The following GALNT16 variants were observed in gnomAD, a reference collection of about 807,000 sequenced individuals.
GALNT16 encodes polypeptide N-acetylgalactosaminyltransferase 16, also known as UDP-GalNAc:polypeptide N-acetylgalactosaminyltransferase-like protein 1.
A neutral mutation model predicts 76.1 loss-of-function variants in GALNT16; 40 were observed. That is an observed-to-expected ratio of 0.53 (90% confidence interval 0.41 to 0.68). The LOEUF (loss-of-function observed/expected upper bound fraction) is 0.68. Ranked by LOEUF, GALNT16 falls within the 30% of genes least tolerant of loss-of-function variation. The probability of loss-of-function intolerance (pLI) is 0.00; values close to 1 mark genes in which losing one functional copy is unlikely to be tolerated. For missense variants in GALNT16, 621 were observed against 731.9 expected (o/e 0.85, Z 1.75); for synonymous variants, 276 against 285.2 (o/e 0.97, Z 0.32).
intron 2 of GALNT16, among the ~76,000 whole-genome samples, chr14:69,324,339 C>T (rs1045323140): frequency 6.6e-6 from 1 of 152,112 alleles, no homozygotes; most frequent in Non-Finnish European, 1.5e-5. Context: ...ACATACCCCC[C>T]ACCATACGAC....
intron 12 of GALNT16, among the ~76,000 whole-genome samples, chr14:69,345,066 C>T (rs1290690395): frequency 2.6e-5 from 4 of 152,226 alleles, no homozygotes; most frequent in African/African-American, 9.6e-5. Context: ...GCAGCTGCTA[C>T]TCACTGCAGT....
At chr14:69,266,320 C>A (rs989375847) in intron 1 of GALNT16, among the ~76,000 whole-genome samples, 2 of 152,154 alleles carry the variant, frequency 1.3e-5, no homozygotes, top group Admixed American at 1.3e-4. Context: ...TTTTTACCCC[C>A]AAATTTTCTG....
chr14:69,339,683 A>G (rs1594863451), intron 11 of GALNT16, 64 bp downstream of exon 11: 2 of 1,029,334 alleles, frequency 1.9e-6, no homozygotes, highest in East Asian at 2.4e-5. Context: ...CCAGCAAAAT[A>G]CGAAGTGGTA....
intron 1 of GALNT16, among the ~76,000 whole-genome samples, chr14:69,281,383 C>A (rs933561420): frequency 1.3e-5 from 2 of 152,194 alleles, no homozygotes; most frequent in African/African-American, 2.4e-5. Flanking sequence ...ACCACACAGG[C>A]ATATAAAGAC....
At chr14:69,329,866 C>T (rs930128328) in intron 6 of GALNT16, among the ~76,000 whole-genome samples, 1 of 152,092 alleles carries the variant, frequency 6.6e-6, no homozygotes, top group African/African-American at 2.4e-5. Context: ...GAACGATCCA[C>T]CCCCATGACC....
At position 69,352,991 on chromosome 14, in the gene GALNT16, A is replaced by G. The variant is rs974132881; in HGVS notation, c.*823A>G. Among the ~76,000 whole-genome samples the G allele has an allele frequency of 9.9e-5, 15 of 151,832 alleles. No homozygotes were observed. The highest frequency in any genetic ancestry group is 1.8e-4 in the Non-Finnish European group (12 of 67,974). ...GGGCGTAGTTTATTAAACAGACTCC[A>G]CTTCTATTTGGCCATGTGTCAGGCT... On this transcript the variant is annotated 3_prime_UTR_variant, in exon 15 of 15. Coordinates refer to ENST00000448469, the MANE Select transcript of GALNT16 (RefSeq NM_001168368.2).
chr14:69,332,334 C>T (rs1193475792), intron 7 of GALNT16, among the ~76,000 whole-genome samples: 10 of 151,782 alleles, frequency 6.6e-5, no homozygotes, highest in Non-Finnish European at 1.5e-5. Context: ...TAATAGTCAC[C>T]TTTGGTTACT....
intron 1 of GALNT16, among the ~76,000 whole-genome samples, chr14:69,315,491 G>A (rs1029384994): frequency 6.6e-6 from 1 of 152,184 alleles, no homozygotes; most frequent in African/African-American, 2.4e-5. Context: ...CAACACCAGG[G>A]CTTCTGGAGC....
the GALNT16 span, among the ~76,000 whole-genome samples, chr14:69,381,449 TG>T: frequency 1.3e-5 from 2 of 152,154 alleles, no homozygotes; most frequent in Admixed American, 6.5e-5. Flanking sequence ...AAATAAATAA[TG>T]CTAGAGGCCT....
intron 12 of GALNT16, among the ~76,000 whole-genome samples, chr14:69,343,150 C>G (rs981461588): frequency 4.6e-5 from 7 of 152,218 alleles, no homozygotes; most frequent in Non-Finnish European, 2.9e-5. Flanking sequence ...CGCATGCGCC[C>G]TCTATAGCTG....
intron 1 of GALNT16, among the ~76,000 whole-genome samples, chr14:69,307,206 C>T (rs12435330): frequency 0.023 from 3,436 of 152,200 alleles, 107 homozygotes; most frequent in Admixed American, 0.087. Flanking sequence ...ATCAAAGCTG[C>T]TGGTACTCCT....
chr14:69,304,042 A>G (rs2044894829), intron 1 of GALNT16, among the ~76,000 whole-genome samples: 1 of 152,022 alleles, frequency 6.6e-6, no homozygotes, highest in Non-Finnish European at 1.5e-5. Context: ...GTCTTCCATC[A>G]CTTTTTTTCC....
chr14:69,283,873 A>G (rs979660443), intron 1 of GALNT16, among the ~76,000 whole-genome samples: 1 of 152,108 alleles, frequency 6.6e-6, no homozygotes, highest in African/African-American at 2.4e-5. Flanking sequence ...TGCACCTACT[A>G]TGTGTCATGA....
chr14:69,343,674 C>T lies in GALNT16; in HGVS notation c.1271+1910C>T, dbSNP rs1479399992. The stretch of plus-strand genomic sequence containing the variant: ...TTACACTGTGTCAGCGTTCATACAA[C>T]ATTTGGGTGAAGCCCACTAGTTCCA... On this transcript the variant is annotated intron_variant, in intron 12 of 14. Transcript: ENST00000448469. Among the ~76,000 whole-genome samples, 4 of 152,198 alleles carry T rather than the reference C, an allele frequency of 2.6e-5. No homozygotes were observed. In the South Asian group the frequency reaches 6.2e-4, roughly 24 times the overall value.
At chr14:69,283,251 T>G (rs907448427) in intron 1 of GALNT16, among the ~76,000 whole-genome samples, 5 of 152,238 alleles carry the variant, frequency 3.3e-5, no homozygotes, top group African/African-American at 1.2e-4. Flanking sequence ...ATCACTAATG[T>G]CAGTCACTTG....
intron 1 of GALNT16, among the ~76,000 whole-genome samples, chr14:69,263,872 G>C (rs973806797): frequency 1.3e-5 from 2 of 152,350 alleles, no homozygotes; most frequent in African/African-American, 2.4e-5. Context: ...GGCAAGGTTT[G>C]TGATTTTTCC....
Position 69,333,970 on chromosome 14 carries a change from G to A in GALNT16, c.967+370G>A, listed in dbSNP as rs1299360154. Among the ~76,000 whole-genome samples the A allele has an allele frequency of 6.6e-6, 1 of 152,010 alleles. No homozygotes were observed. The highest frequency in any genetic ancestry group is 1.5e-5 in the Non-Finnish European group (1 of 67,982). ...GCAAGGCTGGGAGGTGTGTGGTAGA[G>A]GGTGGTGGTGAAATGCTAAGTGATG... On this transcript the variant is annotated intron_variant, in intron 9 of 14. Transcript: ENST00000448469. The surrounding 1 kb of genome is among the most constrained non-coding windows in gnomAD (Gnocchi z 4.2).
rs774069359 is a variant in GALNT16 at position 69,333,090 on chromosome 14, G to A, written c.784G>A (p.Asp262Asn). The A allele has an allele frequency of 3.1e-5, 50 of 1,612,942 alleles. 1 individual carries two copies. The highest frequency in any genetic ancestry group is 4.1e-5 in the Non-Finnish European group (48 of 1,178,924). ...CACCTTGCTGTGTCCCTTAGGGTTC[G>A]ACTGGAGCCTGCATTTCAAGTGGGA... Reference protein sequence around the residue: ...AASADLRGGFDWSLHFKWEQI... With the variant: ...AASADLRGGFNWSLHFKWEQI... Residue 262 changes from aspartate (D) to asparagine (N), a missense_variant, in exon 8 of 15, where the codon GAC becomes AAC. Asp to Asn is a conservative substitution (Grantham distance 23, BLOSUM62 1). Transcript: ENST00000448469. This position sits in a 1 kb window ranked among gnomAD's most constrained non-coding sequence, Gnocchi z 4.2.
intron 1 of GALNT16, among the ~76,000 whole-genome samples, chr14:69,290,167 A>G (rs1166257932): frequency 6.6e-6 from 1 of 152,218 alleles, no homozygotes; most frequent in African/African-American, 2.4e-5. Flanking sequence ...GTCACACGCC[A>G]TGTGTTCATC....
Sources: gnomAD v4.1 joint callset for allele counts (sites outside exome capture counted in the v4.1 genomes callset) on GRCh38, gnomAD v4.1.1 for gene constraint, Gnocchi (gnomAD v3.1) non-coding constraint, MANE v1.5 for transcripts, NCBI Gene and HGNC (gene_info 2026-07-23, HGNC 2026-07-21) for gene names.